Variants in SLC39A8 observed in about 807,000 individuals in gnomAD.
SLC39A8 encodes the protein solute carrier family 39 member 8, also known as metal cation symporter ZIP8.
SLC39A8 carries 15 observed loss-of-function variants against 40.4 expected under a neutral mutation model. The ratio of observed to expected loss-of-function variants is 0.37; its 90% CI spans 0.25 to 0.57. The LOEUF (loss-of-function observed/expected upper bound fraction) is 0.57. Ranked by LOEUF, SLC39A8 falls within the 20% of genes least tolerant of loss-of-function variation. The pLI is 0.75. For missense variants in SLC39A8, 472 were observed against 558.8 expected (o/e 0.84, Z 1.57); for synonymous variants, 223 against 221.6 (o/e 1.01, Z -0.06).
At chr4:102,339,992 A>G (rs1735836344) in intron 2 of SLC39A8, among the ~76,000 whole-genome samples, 1 of 152,188 alleles carries the variant, frequency 6.6e-6, no homozygotes, top group Non-Finnish European at 1.5e-5. Flanking sequence ...AAAATTCAAA[A>G]AATTGCAACC....
chr4:102,267,326 A>C (rs936163503), intron 8 of SLC39A8, among the ~76,000 whole-genome samples, 164 bp downstream of exon 8: 2 of 152,222 alleles, frequency 1.3e-5, no homozygotes, highest in African/African-American at 4.8e-5. Context: ...TATTAGTGTA[A>C]ACTACTCAAG....
At chr4:102,267,708 G>T (rs766581254) in intron 7 of SLC39A8, 34 bp from the exon 8 acceptor site, 51 of 1,409,858 alleles carry the variant, frequency 3.6e-5, no homozygotes, top group Non-Finnish European at 4.6e-5. Flanking sequence ...CAAGTGAATA[G>T]TTTTTTTTTT....
At chr4:102,316,401 C>T (rs1467846755) in intron 2 of SLC39A8, among the ~76,000 whole-genome samples, 8 of 152,054 alleles carry the variant, frequency 5.3e-5, no homozygotes, top group Non-Finnish European at 8.8e-5. Flanking sequence ...TTCTCAATGA[C>T]GTTGGGTAAC....
chr4:102,332,386 T>C (rs1735504829), intron 2 of SLC39A8, among the ~76,000 whole-genome samples: 1 of 152,216 alleles, frequency 6.6e-6, no homozygotes, highest in Non-Finnish European at 1.5e-5. Context: ...AGAAGACATT[T>C]ATTTGGCCAA....
In SLC39A8 at chr4:102,344,855, A is replaced by C. The variant is rs1736104346; in HGVS notation, c.-193T>G. Reference sequence around the variant, plus strand: ...GCAGCTCGCGACCTGCGGGGCATTGAAGTGGCAGCGTAGCCGAGGGGAGCG... The same window carrying C: ...GCAGCTCGCGACCTGCGGGGCATTGCAGTGGCAGCGTAGCCGAGGGGAGCG... On this transcript the variant is annotated 5_prime_UTR_variant, in exon 2 of 9. Transcript: ENST00000356736. 7.6e-7 allele frequency: 1 copy of C among 1,313,568 alleles called. No homozygotes were observed. Among genetic ancestry groups the C allele is most frequent in the Non-Finnish European group, 9.6e-7 (1 of 1,036,984 alleles). 81.4% of individuals were successfully genotyped at this position (1,313,568 alleles called of 1,614,324 possible).
At chr4:102,326,114 T>A (rs904025214) in intron 2 of SLC39A8, among the ~76,000 whole-genome samples, 1 of 152,204 alleles carries the variant, frequency 6.6e-6, no homozygotes, top group Admixed American at 6.5e-5. Context: ...CATCATCTGC[T>A]AGGGAATCCC....
intron 6 of SLC39A8, among the ~76,000 whole-genome samples, chr4:102,277,717 G>A (rs190546565): frequency 2.0e-5 from 3 of 152,188 alleles, no homozygotes; most frequent in East Asian, 1.9e-4. Context: ...GAGGCATCAC[G>A]CTACCTGACT....
At chr4:102,276,447 A>G (rs538118634) in intron 6 of SLC39A8, among the ~76,000 whole-genome samples, 18 of 152,270 alleles carry the variant, frequency 1.2e-4, no homozygotes. Flanking sequence ...GAAGAAGTCG[A>G]AACCCTGAAA....
At chr4:102,323,005 C>T (rs543110979) in intron 2 of SLC39A8, among the ~76,000 whole-genome samples, 15 of 152,330 alleles carry the variant, frequency 9.8e-5, no homozygotes, top group African/African-American at 3.1e-4. Flanking sequence ...ACAGCTGTTG[C>T]TATTCAGTAA....
At chr4:102,258,467 T>G (rs1009340893), downstream of SLC39A8, among the ~76,000 whole-genome samples, 2 of 152,148 alleles carry the variant, frequency 1.3e-5, no homozygotes, top group African/African-American at 4.8e-5. Context: ...CTACAATTAC[T>G]TCAAGACACA....
At chr4:102,307,411 A>G (rs1255712204) in intron 4 of SLC39A8, 25 bp downstream of exon 4, 3 of 1,605,066 alleles carry the variant, frequency 1.9e-6, no homozygotes, top group Admixed American at 3.5e-5. Context: ...AATTATTCAC[A>G]GAAACAAATA....
downstream of SLC39A8, among the ~76,000 whole-genome samples, chr4:102,261,074 C>T (rs151388): frequency 0.7 from 106,883 of 152,038 alleles, 38,295 homozygotes; most frequent in Non-Finnish European, 0.78. Context: ...ACATTGCCAC[C>T]CACAGTTGTA....
At chr4:102,323,568 TATC>T (rs1189168408) in intron 2 of SLC39A8, among the ~76,000 whole-genome samples, 4 of 152,178 alleles carry the variant, frequency 2.6e-5, no homozygotes, top group African/African-American at 9.7e-5. Flanking sequence ...AAGCAATAGT[TATC>T]ATAAGAGTTC....
chr4:102,341,736 C>T (rs1009140123), intron 2 of SLC39A8, among the ~76,000 whole-genome samples: 1 of 152,126 alleles, frequency 6.6e-6, no homozygotes, highest in African/African-American at 2.4e-5. Flanking sequence ...TTTAGTAGTC[C>T]TTACTTAAGG....
At chr4:102,256,730 TCA>T (rs1280115457), downstream of SLC39A8, among the ~76,000 whole-genome samples, 3 of 152,292 alleles carry the variant, frequency 2.0e-5, no homozygotes, top group East Asian at 5.8e-4. Flanking sequence ...CCTGCCAAAT[TCA>T]CACAGTCACC....
chr4:102,289,104 A>G (rs896979768), intron 6 of SLC39A8, among the ~76,000 whole-genome samples: 1 of 152,178 alleles, frequency 6.6e-6, no homozygotes, highest in African/African-American at 2.4e-5. Context: ...GGGTTAATGC[A>G]GCTGGTAACT....
intron 11 of SLC39A8, among the ~76,000 whole-genome samples, chr4:102,255,336 T>C (rs536978696): frequency 6.9e-4 from 105 of 152,222 alleles, no homozygotes; most frequent in African/African-American, 2.4e-3. Context: ...ACTTACAAAA[T>C]TGAAGGAACT....
At chr4:102,306,615 T>C (rs1193177978) in intron 4 of SLC39A8, among the ~76,000 whole-genome samples, 1 of 152,044 alleles carries the variant, frequency 6.6e-6, no homozygotes. Flanking sequence ...ATATTTTCTC[T>C]CTGTATGGGG....
downstream of SLC39A8, chr4:102,259,357 G>A: frequency 1.2e-6 from 1 of 810,206 alleles, no homozygotes. Context: ...TACTGTTGTG[G>A]GAATAACATG....
Sources: gnomAD v4.1 joint callset for allele counts (sites outside exome capture counted in the v4.1 genomes callset) on GRCh38, gnomAD v4.1.1 for gene constraint, MANE v1.5 for transcripts, NCBI Gene and HGNC (gene_info 2026-07-23, HGNC 2026-07-21) for gene names.